MIPOL1: variants seen among roughly 807,000 people sequenced by gnomAD.
MIPOL1 encodes mirror-image polydactyly gene 1 protein.
In MIPOL1, 57 loss-of-function variants were observed where a neutral mutation model predicts 60.9. The ratio of observed to expected loss-of-function variants is 0.94; its 90% CI spans 0.76 to 1.17. The LOEUF (loss-of-function observed/expected upper bound fraction) is 1.17, where lower values mean the gene tolerates loss of function less well. Among genes scored for constraint, MIPOL1 ranks in the 50% most tolerant of loss-of-function variants. The pLI is 0.00. For missense variants in MIPOL1, 551 were observed against 511.6 expected (o/e 1.08, Z -0.74); for synonymous variants, 179 against 168.8 (o/e 1.06, Z -0.47).
At chr14:37,544,369 G>A (rs770016221) in intron 12 of MIPOL1, among the ~76,000 whole-genome samples, 7 of 152,122 alleles carry the variant, frequency 4.6e-5, no homozygotes, top group Non-Finnish European at 8.8e-5. Context: ...CCTTGTATAA[G>A]GGTTTACTTG....
intron 9 of MIPOL1, among the ~76,000 whole-genome samples, chr14:37,344,260 T>A (rs1049449706): frequency 2.6e-5 from 4 of 152,062 alleles, no homozygotes; most frequent in African/African-American, 9.7e-5. Context: ...CTCTTAACTG[T>A]CTTTTAATTT....
intron 10 of MIPOL1, among the ~76,000 whole-genome samples, chr14:37,394,702 C>T (rs1236793485): frequency 6.6e-6 from 1 of 152,022 alleles, no homozygotes; most frequent in East Asian, 1.9e-4. Flanking sequence ...GATTTTCTCC[C>T]ACTTGGTGTG....
chr14:37,458,391 T>C (rs1006376552), intron 11 of MIPOL1, among the ~76,000 whole-genome samples: 6 of 152,162 alleles, frequency 3.9e-5, no homozygotes, highest in Non-Finnish European at 8.8e-5. Flanking sequence ...ACATGGATCA[T>C]TTTACACAAT....
intron 10 of MIPOL1, among the ~76,000 whole-genome samples, chr14:37,402,486 G>T (rs888279681): frequency 6.6e-6 from 1 of 152,090 alleles, no homozygotes; most frequent in African/African-American, 2.4e-5. Flanking sequence ...CTGAACAGTG[G>T]GCATCTGTGT....
intron 3 of MIPOL1, among the ~76,000 whole-genome samples, chr14:37,261,245 G>T (rs906739554): frequency 2.7e-5 from 4 of 150,472 alleles, no homozygotes; most frequent in African/African-American, 4.9e-5. Flanking sequence ...ACATACAATT[G>T]TTAACAGAAT....
At chr14:37,350,590 T>C (rs768242382) in intron 9 of MIPOL1, among the ~76,000 whole-genome samples, 30 of 152,290 alleles carry the variant, frequency 2.0e-4, no homozygotes, top group Admixed American at 3.9e-4. Context: ...CAATCAGTTA[T>C]ATTCTTTTAG....
rs747315502 is a variant in MIPOL1 at position 37,267,028 on chromosome 14, G to A, written c.110G>A (p.Ser37Asn). The change falls in exon 4 of 13, where the codon AGT becomes AAT. Residue 37 changes from serine (S) to asparagine (N), a missense_variant. By Grantham distance (46) the Ser-to-Asn change is conservative (BLOSUM62 1). Transcript: ENST00000684589. ...DEQLTMNSEK[S>N]MHRKSTELVN... ...CAACTGACTATGAATTCTGAGAAAA[G>A]TATGCATCGGAAATCCACTGAATTA... 2.1e-5 allele frequency: 34 copies of A among 1,613,824 alleles called. No homozygotes were observed. The highest frequency in any genetic ancestry group is 2.8e-5 in the Non-Finnish European group (33 of 1,179,938).
intron 10 of MIPOL1, chr14:37,385,900 A>G (rs753485806): frequency 4.6e-5 from 7 of 152,054 alleles, no homozygotes; most frequent in Admixed American, 6.6e-5. Context: ...GGCCTAACAT[A>G]TAGCTTTGTT....
intron 11 of MIPOL1, among the ~76,000 whole-genome samples, chr14:37,463,351 G>A (rs1304191974): frequency 6.6e-6 from 1 of 152,180 alleles, no homozygotes; most frequent in Non-Finnish European, 1.5e-5. Context: ...GTGGGCTACA[G>A]GATGAGATTT....
chr14:37,330,440 C>A (rs12586942), intron 9 of MIPOL1, among the ~76,000 whole-genome samples: 1 of 152,136 alleles, frequency 6.6e-6, no homozygotes, highest in Non-Finnish European at 1.5e-5. Flanking sequence ...AAATTTTATA[C>A]AAACATAATT....
At chr14:37,362,108 C>T (rs528741024) in intron 9 of MIPOL1, among the ~76,000 whole-genome samples, 1 of 152,186 alleles carries the variant, frequency 6.6e-6, no homozygotes, top group South Asian at 2.1e-4. Flanking sequence ...AGCTCATTTA[C>T]ATTTAAGGTT....
chr14:37,512,032 C>T (rs1162495385), intron 12 of MIPOL1, among the ~76,000 whole-genome samples: 4 of 152,090 alleles, frequency 2.6e-5, no homozygotes, highest in Non-Finnish European at 4.4e-5. Flanking sequence ...GAGTTCTGCT[C>T]ATCTTAAATT....
At chr14:37,206,475 G>A (rs1966114431) in intron 1 of MIPOL1, among the ~76,000 whole-genome samples, 1 of 152,182 alleles carries the variant, frequency 6.6e-6, no homozygotes, top group Non-Finnish European at 1.5e-5. Context: ...GAGAACTTCT[G>A]GTAGGGCAGT....
rs3062723 is a variant in MIPOL1 at position 37,550,495 on chromosome 14, C to CATATATATATAT, written c.*3532_*3543dup. On this transcript the variant is annotated 3_prime_UTR_variant, in exon 13 of 13. Coordinates refer to ENST00000684589, the MANE Select transcript of MIPOL1 (RefSeq NM_001388067.1). Reference sequence around the variant, plus strand: ...AGCTAACCTATCTATTCATATTTTACATATATATATATATATATACATGCA... The same window carrying CATATATATATAT: ...AGCTAACCTATCTATTCATATTTTACATATATATATATATATATATATATATATATACATGCA... 1.9e-3 allele frequency: 276 copies of CATATATATATAT among 145,800 alleles called. 1 individual carries two copies. The highest frequency in any genetic ancestry group is 6.4e-3 in the African/African-American group (256 of 39,754). 9.0% of individuals were successfully genotyped at this position (145,800 alleles called of 1,614,324 possible).
At chr14:37,268,821 A>G (rs757864663) in intron 5 of MIPOL1, 28 bp downstream of exon 5, 3 of 1,506,938 alleles carry the variant, frequency 2.0e-6, no homozygotes, top group South Asian at 2.5e-5. Flanking sequence ...TGATAATTGT[A>G]TAGTATGGGT....
chr14:37,477,245 G>A (rs565043216), intron 11 of MIPOL1, among the ~76,000 whole-genome samples: 2 of 151,968 alleles, frequency 1.3e-5, no homozygotes, highest in African/African-American at 4.8e-5. Context: ...CTCATTAATT[G>A]AATTAGATGG....
chr14:37,346,359 C>T (rs10150559), intron 9 of MIPOL1, among the ~76,000 whole-genome samples: 147,917 of 152,302 alleles, frequency 0.97, 71,884 homozygotes, highest in East Asian at 1. Context: ...GAAGGTGTGG[C>T]CCTTTCAGAT....
chr14:37,436,335 T>A (rs2094162866), intron 11 of MIPOL1, among the ~76,000 whole-genome samples: 1 of 152,156 alleles, frequency 6.6e-6, no homozygotes, highest in Non-Finnish European at 1.5e-5. Context: ...AATTCCTTCA[T>A]ATTTCAATAA....
At chr14:37,532,821 TG>T (rs1231340445) in intron 12 of MIPOL1, among the ~76,000 whole-genome samples, 4 of 152,206 alleles carry the variant, frequency 2.6e-5, no homozygotes, top group African/African-American at 9.6e-5. Flanking sequence ...TATTAGCTTA[TG>T]TATATATATG....
Sources: allele counts gnomAD v4.1 joint callset (sites outside exome capture counted in the v4.1 genomes callset), GRCh38; gene constraint gnomAD v4.1.1; transcripts MANE v1.5; gene names NCBI Gene and HGNC (gene_info 2026-07-23, HGNC 2026-07-21).